The following STOX2 variants were observed in gnomAD, a reference collection of about 807,000 sequenced individuals.
STOX2 encodes the protein storkhead-box protein 2.
STOX2 carries 28 observed loss-of-function variants against 60.9 expected under a neutral mutation model. The ratio of observed to expected loss-of-function variants is 0.46; its 90% confidence interval spans 0.34 to 0.63. STOX2 has a LOEUF of 0.63. Ranked by LOEUF, STOX2 falls within the 30% of genes least tolerant of loss-of-function variation. STOX2 has a pLI of 0.01. For synonymous variants in STOX2, 472 were observed against 463.9 expected (o/e 1.02, Z -0.22); for missense variants, 1,024 against 1,187.7 (o/e 0.86, Z 2.03).
intron 1 of STOX2, among the ~76,000 whole-genome samples, chr4:183,878,591 T>G (rs1390439096): frequency 6.6e-6 from 1 of 152,088 alleles, no homozygotes; most frequent in Non-Finnish European, 1.5e-5. Flanking sequence ...ACCAAATGAG[T>G]GTGAATCTAA....
intron 1 of STOX2, among the ~76,000 whole-genome samples, chr4:183,855,824 A>T (rs1740273269): frequency 6.6e-6 from 1 of 152,186 alleles, no homozygotes; most frequent in Non-Finnish European, 1.5e-5. Flanking sequence ...GAAGCGTGCA[A>T]ATGTGGGGCA....
chr4:183,817,612 T>C (rs1022127510), intron 1 of STOX2, among the ~76,000 whole-genome samples: 1 of 152,208 alleles, frequency 6.6e-6, no homozygotes, highest in Non-Finnish European at 1.5e-5. Context: ...GGTTTTAAAA[T>C]AATTATAAGC....
At chr4:183,883,265 A>T (rs1740996320) in intron 1 of STOX2, among the ~76,000 whole-genome samples, 1 of 152,226 alleles carries the variant, frequency 6.6e-6, no homozygotes, top group East Asian at 1.9e-4. Flanking sequence ...AGCAAATTAG[A>T]AGTAATTCCA....
chr4:183,904,536 A>G (rs180831633), upstream of STOX2, among the ~76,000 whole-genome samples: 27 of 152,368 alleles, frequency 1.8e-4, no homozygotes, highest in East Asian at 4.4e-3. Context: ...GCCTTTCCCA[A>G]TTAAAAATAA....
At chr4:183,971,363 A>G (rs1488393073) in intron 1 of STOX2, among the ~76,000 whole-genome samples, 1 of 152,202 alleles carries the variant, frequency 6.6e-6, no homozygotes, top group Non-Finnish European at 1.5e-5. Context: ...AATGAACTCA[A>G]TAATTATATT....
At chr4:183,929,347 A>G (rs1030191272) in intron 1 of STOX2, among the ~76,000 whole-genome samples, 1 of 152,216 alleles carries the variant, frequency 6.6e-6, no homozygotes, top group Non-Finnish European at 1.5e-5. Context: ...TGAATAATCC[A>G]GTAAAGATTT....
chr4:183,855,482 G>A (rs1051011350), intron 1 of STOX2, among the ~76,000 whole-genome samples: 1 of 152,096 alleles, frequency 6.6e-6, no homozygotes, highest in Non-Finnish European at 1.5e-5. Flanking sequence ...ATTTCCACAT[G>A]TTCACTTCCT....
intron 1 of STOX2, among the ~76,000 whole-genome samples, chr4:183,839,597 A>G (rs1017450941): frequency 5.9e-5 from 9 of 152,222 alleles, no homozygotes; most frequent in Non-Finnish European, 1.3e-4. Flanking sequence ...TGCAGTTGAG[A>G]AAGTTACTGT....
intron 1 of STOX2, among the ~76,000 whole-genome samples, chr4:183,997,749 A>G (rs1733407485): frequency 6.6e-6 from 1 of 152,232 alleles, no homozygotes; most frequent in Non-Finnish European, 1.5e-5. Context: ...TGCAGCACAA[A>G]AATGAGATGA....
chr4:183,952,258 A>C (rs1322305224), intron 1 of STOX2, among the ~76,000 whole-genome samples: 2 of 152,194 alleles, frequency 1.3e-5, no homozygotes, highest in African/African-American at 4.8e-5. Flanking sequence ...TGAAAACCGT[A>C]ACACATCTCA....
At chr4:184,003,192 A>C (rs1733669835) in intron 2 of STOX2, among the ~76,000 whole-genome samples, 3 of 152,162 alleles carry the variant, frequency 2.0e-5, no homozygotes, top group African/African-American at 7.2e-5. Context: ...ACATTGAACA[A>C]CCCAGCAGCT....
At chr4:183,896,764 T>C (rs1741348666) in intron 1 of STOX2, among the ~76,000 whole-genome samples, 1 of 152,258 alleles carries the variant, frequency 6.6e-6, no homozygotes, top group Non-Finnish European at 1.5e-5. Flanking sequence ...AAAGTTTTTC[T>C]ACTTCACAAA....
chr4:183,857,244 A>G (rs1263479721), intron 1 of STOX2, among the ~76,000 whole-genome samples: 1 of 149,292 alleles, frequency 6.7e-6, no homozygotes, highest in Non-Finnish European at 1.5e-5. Context: ...AGGACTGGTC[A>G]TCTCGCAGGA....
chr4:183,964,767 A>G (rs1444248121), intron 1 of STOX2, among the ~76,000 whole-genome samples: 1 of 152,098 alleles, frequency 6.6e-6, no homozygotes, highest in Non-Finnish European at 1.5e-5. Context: ...TATTTTTAGT[A>G]GAGATGGGGT....
intron 1 of STOX2, among the ~76,000 whole-genome samples, chr4:183,826,045 C>T (rs1272308940): frequency 2.0e-5 from 3 of 152,134 alleles, no homozygotes; most frequent in Non-Finnish European, 4.4e-5. Flanking sequence ...ACAACAGACT[C>T]ATCGGGAAAC....
chr4:183,918,710 C>T lies in STOX2; in HGVS notation c.166+11754C>T, dbSNP rs117337632. Among the ~76,000 whole-genome samples the T allele has an allele frequency of 2.5e-4, 38 of 152,320 alleles. 1 individual carries two copies. In the East Asian group the frequency reaches 6.9e-3, roughly 28 times the overall value. On this transcript the variant is annotated intron_variant, in intron 1 of 3. Transcript: ENST00000308497. ...GGCCCAGTGGAATCTCAGGTCAGCA[C>T]GGCCTCTGGGTTGCTTAGGAAATAA...
In STOX2 at chr4:183,991,077, C is replaced by G. The variant is rs188227487; in HGVS notation, c.167-10248C>G. ...TTCCCTTTCTTAGGTAATGGATTGG[C>G]CCAACCTAAGTTTTGAAATAGGTCA... On this transcript the variant is annotated intron_variant, in intron 1 of 3. Coordinates refer to ENST00000308497, the MANE Select transcript of STOX2 (RefSeq NM_020225.3). Among the ~76,000 whole-genome samples, 4 of 152,132 alleles carry G rather than the reference C, an allele frequency of 2.6e-5. No individual in the cohort carries two copies. In the East Asian group the frequency reaches 7.7e-4, roughly 29 times the overall value.
At chr4:183,884,971 G>A (rs990765111) in intron 1 of STOX2, among the ~76,000 whole-genome samples, 2 of 152,196 alleles carry the variant, frequency 1.3e-5, no homozygotes, top group African/African-American at 2.4e-5. Flanking sequence ...GTGCCTGGGC[G>A]TCGCGTCCCC....
rs574676401 is a variant in STOX2 at position 183,848,949 on chromosome 4, C to T, written c.364+50894C>T. ...TGGTTTCTGGCTCTGGCTCTTGCCT[C>T]GTGGGAGTTTAGGTTACATTTAGAG... On this transcript the variant is annotated intron_variant, in intron 1 of 2. Transcript: ENST00000513034. 4.6e-5 allele frequency among the ~76,000 whole-genome samples: 7 copies of T among 152,180 alleles called. No individual in the cohort carries two copies. In the East Asian group the frequency reaches 7.7e-4, roughly 17 times the overall value.
Sources: gnomAD v4.1 joint callset for allele counts (sites outside exome capture counted in the v4.1 genomes callset) on GRCh38, gnomAD v4.1.1 for gene constraint, MANE v1.5 for transcripts, NCBI Gene and HGNC (gene_info 2026-07-23, HGNC 2026-07-21) for gene names.